Variants in ELMO1 observed in about 807,000 individuals in gnomAD.
ELMO1 encodes engulfment and cell motility protein 1.
ELMO1 carries 26 observed loss-of-function variants against 98.9 expected under a neutral mutation model. That is an observed-to-expected ratio of 0.26 (90% CI 0.19 to 0.36). ELMO1 has a LOEUF of 0.36. Among genes scored for constraint, ELMO1 ranks in the 10% least tolerant of loss-of-function variants. The probability of loss-of-function intolerance (pLI) is 1.00; values close to 1 mark genes in which losing one functional copy is unlikely to be tolerated. For synonymous variants in ELMO1, 346 were observed against 346.0 expected, an observed-to-expected ratio of 1.00 and a Z score of 0.00; for missense variants, 627 against 935.2, an observed-to-expected ratio of 0.67 and a Z score of 4.30.
At chr7:37,409,499 T>A (rs1238710676) in intron 1 of ELMO1, among the ~76,000 whole-genome samples, 1 of 152,296 alleles carries the variant, frequency 6.6e-6, no homozygotes, top group East Asian at 1.9e-4. Context: ...CCATGCACAG[T>A]CAGCCAGGGC....
chr7:37,401,317 C>T (rs188278680), intron 1 of ELMO1, among the ~76,000 whole-genome samples: 1 of 152,256 alleles, frequency 6.6e-6, no homozygotes, highest in Admixed American at 6.5e-5. Context: ...AAACATGGCA[C>T]CTTGGCATTT....
intron 8 of ELMO1, among the ~76,000 whole-genome samples, chr7:37,229,810 G>A (rs1366592155): frequency 6.6e-6 from 1 of 152,178 alleles, no homozygotes; most frequent in Non-Finnish European, 1.5e-5. Context: ...ATGAGGACAT[G>A]AAATAGATTA....
At chr7:37,070,846 T>C (rs1160023344) in intron 15 of ELMO1, among the ~76,000 whole-genome samples, 1 of 152,194 alleles carries the variant, frequency 6.6e-6, no homozygotes, top group East Asian at 1.9e-4. Context: ...CATTCCTTTA[T>C]ATACAATTCA....
At chr7:37,350,323 T>C (rs1013305848) in intron 1 of ELMO1, among the ~76,000 whole-genome samples, 4 of 152,234 alleles carry the variant, frequency 2.6e-5, no homozygotes, top group African/African-American at 4.8e-5. Context: ...GCCCATTTAC[T>C]TGACAGGTGG....
intron 13 of ELMO1, among the ~76,000 whole-genome samples, chr7:37,210,707 A>C (rs529731006): frequency 6.6e-6 from 1 of 152,226 alleles, no homozygotes; most frequent in Non-Finnish European, 1.5e-5. Flanking sequence ...AAATCTCAGT[A>C]ATGCCATTTA....
At chr7:37,215,725 G>A (rs1321879685) in intron 11 of ELMO1, among the ~76,000 whole-genome samples, 1 of 152,250 alleles carries the variant, frequency 6.6e-6, no homozygotes, top group African/African-American at 2.4e-5. Context: ...CTCTCGCCCA[G>A]GTCTCCTTGG....
At chr7:36,994,657 A>C (rs2129155121) in intron 16 of ELMO1, among the ~76,000 whole-genome samples, 1 of 152,350 alleles carries the variant, frequency 6.6e-6, no homozygotes, top group Admixed American at 6.5e-5. Flanking sequence ...GAGAGGGACT[A>C]GGGTGCTCTG....
At chr7:37,253,732 A>AC (rs1554283088) in intron 6 of ELMO1, among the ~76,000 whole-genome samples, 24 of 151,816 alleles carry the variant, frequency 1.6e-4, no homozygotes, top group African/African-American at 5.3e-4. Flanking sequence ...AAAAAAAAAA[A>AC]AAAACAAAAA....
intron 1 of ELMO1, chr7:37,376,102 A>C (rs1054537971): frequency 3.9e-5 from 13 of 336,566 alleles, no homozygotes; most frequent in Admixed American, 1.2e-4. Flanking sequence ...AACAAACAAA[A>C]AAAACACTGA....
At chr7:37,266,621 G>A (rs2130827949) in intron 5 of ELMO1, among the ~76,000 whole-genome samples, 1 of 152,198 alleles carries the variant, frequency 6.6e-6, no homozygotes, top group South Asian at 2.1e-4. Context: ...TTAGCATAGG[G>A]CATTATGATT....
intron 15 of ELMO1, among the ~76,000 whole-genome samples, chr7:37,054,640 A>T (rs1367908808): frequency 6.6e-6 from 1 of 152,234 alleles, no homozygotes; most frequent in Non-Finnish European, 1.5e-5. Flanking sequence ...AGGTAAATTT[A>T]AAAACTTCTG....
At chr7:37,292,997 G>A (rs1247126362) in intron 4 of ELMO1, among the ~76,000 whole-genome samples, 1 of 60,274 alleles carries the variant, frequency 1.7e-5, no homozygotes, top group East Asian at 8.9e-4. Flanking sequence ...CTACTGGGAA[G>A]TGAGGAGCCA....
intron 13 of ELMO1, among the ~76,000 whole-genome samples, chr7:37,163,128 T>C (rs1461693575): frequency 6.6e-6 from 1 of 152,200 alleles, no homozygotes; most frequent in African/African-American, 2.4e-5. Context: ...TGAGCCAGTT[T>C]CAGTTACAAA....
At chr7:37,319,160 CT>C (rs1799353878) in intron 2 of ELMO1, among the ~76,000 whole-genome samples, 1 of 152,162 alleles carries the variant, frequency 6.6e-6, no homozygotes. Flanking sequence ...AACATTTTAA[CT>C]CTCCTGCAGG....
At chr7:36,993,616 A>C (rs12701542) in intron 16 of ELMO1, among the ~76,000 whole-genome samples, 41,006 of 152,150 alleles carry the variant, frequency 0.27, 6,959 homozygotes, top group African/African-American at 0.49. Flanking sequence ...GCTCTATAAC[A>C]TAATTTGTGG....
chr7:37,336,492 T>C (rs1800417552), intron 2 of ELMO1, among the ~76,000 whole-genome samples: 1 of 152,162 alleles, frequency 6.6e-6, no homozygotes, highest in Admixed American at 6.5e-5. Context: ...TTTAACGTCA[T>C]GAGCGAACAT....
At position 36,985,121 on chromosome 7, in the gene ELMO1, T is replaced by C. The variant is rs181984445; in HGVS notation, c.1437+28178A>G. On this transcript the variant is annotated intron_variant, in intron 16 of 21. Transcript: ENST00000310758. ...GTTTCTACCCAACGAAATTGAAAAT[T>C]TCATCACCAGTGTCAGAAAATTAAA... The C allele has an allele frequency of 1.7e-4, 163 of 985,288 alleles. No homozygotes were observed. The African/African-American group carries it at 2.5e-3, about 15-fold the overall frequency. 61.0% of individuals were successfully genotyped at this position (985,288 alleles called of 1,614,324 possible). A position where few individuals can be genotyped will look rare whatever the true frequency, so the allele number is the denominator to read the frequency against.
rs546055400 is a variant in ELMO1, at chr7:37,169,197, C to T, written c.1087-35963G>A. Among the ~76,000 whole-genome samples, 5 of 152,318 alleles carry T rather than the reference C, an allele frequency of 3.3e-5. No homozygotes were observed. In the East Asian group the frequency reaches 5.8e-4, roughly 18 times the overall value. On this transcript the variant is annotated intron_variant, in intron 13 of 21. Coordinates refer to ENST00000310758, the MANE Select transcript of ELMO1 (RefSeq NM_014800.11). ...CCGTTTTTTAAGCCTGTTGGAAAAG[C>T]GCAGTATTCGGGTGGGAATGACCCG...
chr7:37,054,040 AT>A (rs758374698), intron 15 of ELMO1, among the ~76,000 whole-genome samples: 3 of 152,196 alleles, frequency 2.0e-5, no homozygotes, highest in Non-Finnish European at 4.4e-5. Context: ...TCTTTAAAAA[AT>A]ACGCAGCTAA....
Sources: allele counts gnomAD v4.1 joint callset (sites outside exome capture counted in the v4.1 genomes callset), GRCh38; gene constraint gnomAD v4.1.1; transcripts MANE v1.5; gene names NCBI Gene and HGNC (gene_info 2026-07-23, HGNC 2026-07-21).